The following ZNF236 variants were observed in gnomAD, a reference collection of about 807,000 sequenced individuals.
ZNF236 encodes regulated by glucose.
Under a neutral mutation model 191.2 loss-of-function variants are expected in ZNF236, and 50 were observed. That is an observed-to-expected ratio of 0.26 (90% CI 0.21 to 0.33). The LOEUF is 0.33. Ranked by LOEUF, ZNF236 falls within the 10% of genes least tolerant of loss-of-function variation. The pLI, the probability that ZNF236 is intolerant of heterozygous loss-of-function variation, is 1.00. For missense variants in ZNF236, 1,754 were observed against 2,374.5 expected, an observed-to-expected ratio of 0.74 and a Z score of 5.43; for synonymous variants, 907 against 928.8, an observed-to-expected ratio of 0.98 and a Z score of 0.43.
chr18:76,873,463 A>G (rs896042110), intron 5 of ZNF236, among the ~76,000 whole-genome samples: 1 of 152,210 alleles, frequency 6.6e-6, no homozygotes, highest in Non-Finnish European at 1.5e-5. Flanking sequence ...AGAGAGCAGC[A>G]GGTCCCAGCC....
Position 76,970,327 on chromosome 18 carries a change from T to G in ZNF236, c.*1988T>G, listed in dbSNP as rs1968887897. 6.6e-6 allele frequency: 1 copy of G among 152,668 alleles called. No individual in the cohort carries two copies. The highest frequency in any genetic ancestry group is 2.4e-5 in the African/African-American group (1 of 41,472). 9.5% of individuals were successfully genotyped at this position (152,668 alleles called of 1,614,324 possible). ...AGTTTGGTGAATTGTATTGGTTAAT[T>G]GACTGTTTAAGGCCTTAACAGGTGA... On this transcript the variant is annotated 3_prime_UTR_variant, in exon 31 of 31. Coordinates refer to ENST00000320610, the MANE Select transcript of ZNF236 (RefSeq NM_001306089.2).
chr18:76,945,567 C>T (rs1418208287), intron 26 of ZNF236, among the ~76,000 whole-genome samples: 1 of 152,226 alleles, frequency 6.6e-6, no homozygotes, highest in Non-Finnish European at 1.5e-5. Flanking sequence ...TGGTGGATCT[C>T]CTGAGGTCAG....
At chr18:76,829,331 GTTTT>G (rs11316393) in intron 1 of ZNF236, among the ~76,000 whole-genome samples, 1 of 138,382 alleles carries the variant, frequency 7.2e-6, no homozygotes. Flanking sequence ...CCTGGGGGAG[GTTTT>G]TTTTTTTTTT....
chr18:76,955,964 A>T (rs1968512642), intron 27 of ZNF236, 21 bp from the exon 28 acceptor site: 2 of 1,599,194 alleles, frequency 1.3e-6, no homozygotes, highest in Admixed American at 3.4e-5. Flanking sequence ...GTGGAAAGTC[A>T]CAATTTCTGG....
intron 1 of ZNF236, among the ~76,000 whole-genome samples, chr18:76,845,015 C>G (rs1975632527): frequency 6.6e-6 from 1 of 152,124 alleles, no homozygotes. Flanking sequence ...CTACAGGAAA[C>G]ATTGTCTTAT....
intron 26 of ZNF236, 128 bp from the exon 27 acceptor site, chr18:76,947,393 C>G: frequency 8.8e-7 from 1 of 1,142,794 alleles, no homozygotes; most frequent in Non-Finnish European, 1.2e-6. Flanking sequence ...TACATGGTGA[C>G]TCCACGGTTC....
chr18:76,912,478 C>A (rs1489948846), intron 17 of ZNF236, 131 bp downstream of exon 17: 1 of 593,856 alleles, frequency 1.7e-6, no homozygotes, highest in South Asian at 2.5e-5. Flanking sequence ...CCATTGTCAT[C>A]CATATTCTGT....
intron 11 of ZNF236, among the ~76,000 whole-genome samples, chr18:76,903,564 G>A (rs1221681676): frequency 2.0e-5 from 3 of 152,202 alleles, no homozygotes; most frequent in South Asian, 2.1e-4. Context: ...GCTGTGGGCA[G>A]AGGACAAAAT....
rs371269771 is a variant in ZNF236 at position 76,852,423 on chromosome 18, G to A, written c.363+484G>A. ...CTCCTGGGAGCTCCACAGGCCCAAT[G>A]TCTGGGACAGCTTTGAGGATGACAG... On this transcript the variant is annotated intron_variant, in intron 3 of 30. Coordinates refer to ENST00000320610, the MANE Select transcript of ZNF236 (RefSeq NM_001306089.2). Among the ~76,000 whole-genome samples the A allele has an allele frequency of 3.3e-5, 5 of 152,300 alleles. No individual in the cohort carries two copies. The East Asian group carries it at 5.8e-4, about 18-fold the overall frequency.
At chr18:76,897,441 C>G (rs1239175135) in intron 10 of ZNF236, among the ~76,000 whole-genome samples, 1 of 151,536 alleles carries the variant, frequency 6.6e-6, no homozygotes, top group Non-Finnish European at 1.5e-5. Context: ...GTACTACACA[C>G]AAGTACTGCC....
chr18:76,934,886 T>C (rs1043666721), intron 25 of ZNF236, among the ~76,000 whole-genome samples: 1 of 152,260 alleles, frequency 6.6e-6, no homozygotes, highest in African/African-American at 2.4e-5. Flanking sequence ...TTAGAAGCTA[T>C]GAGGTGATAT....
chr18:76,896,788 G>T (rs1040701177), intron 10 of ZNF236, among the ~76,000 whole-genome samples: 4 of 150,938 alleles, frequency 2.7e-5, no homozygotes, highest in Non-Finnish European at 4.4e-5. Context: ...CTGCATACAG[G>T]TATGGCCTGC....
At chr18:76,892,165 TGG>T (rs1977259570) in intron 9 of ZNF236, among the ~76,000 whole-genome samples, 1 of 92,734 alleles carries the variant, frequency 1.1e-5, no homozygotes, top group Non-Finnish European at 2.0e-5. Context: ...AATTTTCTTC[TGG>T]GTTTTTTTTT....
chr18:76,896,147 C>T (rs972266580), intron 10 of ZNF236, among the ~76,000 whole-genome samples: 22 of 151,922 alleles, frequency 1.4e-4, no homozygotes, highest in African/African-American at 5.1e-4. Context: ...CAGTGCTGCA[C>T]CCACACAGGC....
intron 1 of ZNF236, among the ~76,000 whole-genome samples, chr18:76,836,954 C>T (rs1251439367): frequency 6.6e-6 from 1 of 152,126 alleles, no homozygotes; most frequent in Non-Finnish European, 1.5e-5. Flanking sequence ...TGGCTCACTG[C>T]AACCTTTGAC....
intron 2 of ZNF236, 138 bp downstream of exon 2, chr18:76,849,806 G>A (rs1975804607): frequency 1.1e-6 from 1 of 877,490 alleles, no homozygotes; most frequent in Admixed American, 4.0e-5. Context: ...TAAATATTTT[G>A]GCCTTTTTAA....
chr18:76,840,622 ATTTTTT>A (rs10659204), intron 1 of ZNF236, among the ~76,000 whole-genome samples: 18 of 115,488 alleles, frequency 1.6e-4, no homozygotes, highest in Admixed American at 8.1e-4. Context: ...GTAAAGGTGA[ATTTTTT>A]TTTTTTTTTT....
intron 1 of ZNF236, among the ~76,000 whole-genome samples, chr18:76,839,669 T>C (rs1975424972): frequency 1.3e-5 from 2 of 152,192 alleles, no homozygotes; most frequent in Non-Finnish European, 2.9e-5. Context: ...GCTGTGTATC[T>C]GTATTTTGAT....
chr18:76,898,185 T>A (rs145661326), intron 10 of ZNF236: 8 of 152,366 alleles, frequency 5.3e-5, no homozygotes, highest in African/African-American at 1.9e-4. Context: ...ATGAAATCTT[T>A]CATTACGGAG....
Sources: allele counts gnomAD v4.1 joint callset (sites outside exome capture counted in the v4.1 genomes callset), GRCh38; gene constraint gnomAD v4.1.1; transcripts MANE v1.5; gene names NCBI Gene and HGNC (gene_info 2026-07-23, HGNC 2026-07-21).